Variants in LDLRAD4 observed in about 807,000 individuals in gnomAD.
LDLRAD4 encodes low-density lipoprotein receptor class A domain-containing protein 4.
A neutral mutation model predicts 17.0 loss-of-function variants in LDLRAD4; 5 were observed. That is an observed-to-expected ratio of 0.29 (90% CI 0.15 to 0.62). LDLRAD4 has a LOEUF of 0.62. LDLRAD4 is among the 20% of genes least tolerant of loss of function. The probability of loss-of-function intolerance (pLI) is 0.84; values close to 1 mark genes in which losing one functional copy is unlikely to be tolerated. For missense variants in LDLRAD4, 340 were observed against 424.7 expected (o/e 0.80, Z 1.75); for synonymous variants, 168 against 171.8 (o/e 0.98, Z 0.17).
intron 2 of LDLRAD4, among the ~76,000 whole-genome samples, chr18:13,430,834 G>A (rs574830895): frequency 2.0e-4 from 31 of 152,240 alleles, no homozygotes; most frequent in Non-Finnish European, 2.9e-4. Context: ...CCTCGCTGAC[G>A]TCACCTTCTC....
intron 2 of LDLRAD4, among the ~76,000 whole-genome samples, chr18:13,411,639 A>G (rs1339374342): frequency 1.3e-5 from 2 of 152,182 alleles, no homozygotes; most frequent in African/African-American, 4.8e-5. Context: ...GCTACCAGGT[A>G]AGACGTGACT....
rs1427807242 is a variant in LDLRAD4 at position 13,622,057 on chromosome 18, G to A, written c.336+786G>A. On this transcript the variant is annotated intron_variant, in intron 4 of 5. Transcript: ENST00000359446. The surrounding 1 kb of genome is among the most constrained non-coding windows in gnomAD (Gnocchi z 5.3). ...GGCTTCCGTGATGGGCAGCGAGGCC[G>A]AGTCTCCACAGTGTGGAGCCCTGCG... 7.2e-5 allele frequency among the ~76,000 whole-genome samples: 11 copies of A among 152,096 alleles called. No individual in the cohort carries two copies. Among genetic ancestry groups the A allele is most frequent in the Admixed American group, 2.6e-4 (4 of 15,276 alleles).
chr18:13,294,792 T>C (rs1449032088), intron 1 of LDLRAD4, among the ~76,000 whole-genome samples: 1 of 152,024 alleles, frequency 6.6e-6, no homozygotes, highest in Non-Finnish European at 1.5e-5. Flanking sequence ...ACCTACTTGT[T>C]TGAGTGTCAC....
intron 1 of LDLRAD4, among the ~76,000 whole-genome samples, chr18:13,295,306 G>T (rs754471699): frequency 6.6e-6 from 1 of 152,200 alleles, no homozygotes; most frequent in Non-Finnish European, 1.5e-5. Flanking sequence ...CCTTGTGGCT[G>T]GGATGGCCTC....
At chr18:13,619,678 C>T (rs1331105564) in intron 3 of LDLRAD4, among the ~76,000 whole-genome samples, 2 of 152,170 alleles carry the variant, frequency 1.3e-5, no homozygotes, top group African/African-American at 4.8e-5. Context: ...CAACAGCACC[C>T]CCTTGGCTGG....
chr18:13,389,939 C>T (rs991416827), intron 2 of LDLRAD4, among the ~76,000 whole-genome samples: 3 of 152,188 alleles, frequency 2.0e-5, no homozygotes, highest in Non-Finnish European at 2.9e-5. Flanking sequence ...ACCTTCCTCC[C>T]CACTTGCTCA....
chr18:13,590,491 C>T (rs753882028), intron 3 of LDLRAD4, among the ~76,000 whole-genome samples: 1 of 152,214 alleles, frequency 6.6e-6, no homozygotes, highest in Non-Finnish European at 1.5e-5. Flanking sequence ...TGTGACTGTT[C>T]AGAATGTACA....
chr18:13,467,158 A>G (rs908466725), intron 3 of LDLRAD4, among the ~76,000 whole-genome samples: 11 of 152,242 alleles, frequency 7.2e-5, no homozygotes, highest in African/African-American at 2.7e-4. Flanking sequence ...GCAACTAGAC[A>G]AGAAAAAGAA....
chr18:13,438,508 C>G, intron 3 of LDLRAD4, 124 bp downstream of exon 4: 1 of 759,612 alleles, frequency 1.3e-6, no homozygotes, highest in Non-Finnish European at 2.2e-6. Context: ...TGCATTTTCA[C>G]AAAGGAAATG....
At chr18:13,369,283 A>G (rs912733762) in intron 1 of LDLRAD4, among the ~76,000 whole-genome samples, 5 of 152,220 alleles carry the variant, frequency 3.3e-5, no homozygotes, top group African/African-American at 1.2e-4. Context: ...TGTAGGAATG[A>G]AACGCATTTT....
At chr18:13,650,284 T>C (rs887479709) in exon 6 of LDLRAD4, 1 of 407,262 alleles carries the variant, frequency 2.5e-6, no homozygotes, top group Non-Finnish European at 4.3e-6. Context: ...TCGAACTGGA[T>C]GCATTAGGAA....
intron 1 of LDLRAD4, among the ~76,000 whole-genome samples, chr18:13,279,028 G>A (rs1484977341): frequency 1.3e-5 from 2 of 152,196 alleles, no homozygotes; most frequent in South Asian, 2.1e-4. Flanking sequence ...TTACAGTTGG[G>A]TGCAAAGCAG....
chr18:13,583,887 G>A (rs1047461443), intron 3 of LDLRAD4, among the ~76,000 whole-genome samples: 2 of 152,158 alleles, frequency 1.3e-5, no homozygotes, highest in South Asian at 2.1e-4. Flanking sequence ...TGGAACCTGC[G>A]AGCACTTTCT....
At chr18:13,617,968 C>T (rs950381512) in intron 3 of LDLRAD4, among the ~76,000 whole-genome samples, 14 of 152,194 alleles carry the variant, frequency 9.2e-5, no homozygotes, top group Non-Finnish European at 1.8e-4. Flanking sequence ...CCAGAAATGT[C>T]ACTTTTAGGA....
chr18:13,222,055 C>A (rs1401194803), intron 1 of LDLRAD4, among the ~76,000 whole-genome samples: 1 of 152,244 alleles, frequency 6.6e-6, no homozygotes, highest in Non-Finnish European at 1.5e-5. Context: ...CACAGAATGT[C>A]TGGCTCAATC....
intron 2 of LDLRAD4, among the ~76,000 whole-genome samples, chr18:13,415,224 C>T (rs2088766164): frequency 6.6e-6 from 1 of 152,056 alleles, no homozygotes; most frequent in African/African-American, 2.4e-5. Context: ...GTTTCCTCCT[C>T]AGTTAAGGGA....
chr18:13,561,015 G>C (rs1375655573), intron 3 of LDLRAD4, among the ~76,000 whole-genome samples: 1 of 151,784 alleles, frequency 6.6e-6, no homozygotes, highest in East Asian at 2.0e-4. Context: ...CCTTAGGAAG[G>C]TCTCCCAAGA....
chr18:13,239,042 C>T (rs1281963472), intron 1 of LDLRAD4, among the ~76,000 whole-genome samples: 2 of 151,964 alleles, frequency 1.3e-5, no homozygotes, highest in Non-Finnish European at 2.9e-5. Flanking sequence ...GAAAAATTAG[C>T]TGGGCGTGGT....
Position 13,609,044 on chromosome 18 carries a change from C to T in LDLRAD4, c.182-12073C>T, listed in dbSNP as rs149822337. ...GTGACTGCACAAAACTCATATTAGA[C>T]GTGATAGCCATCAGAGTACTTACGT... is the stretch of plus-strand genomic sequence containing the variant. On this transcript the variant is annotated intron_variant, in intron 3 of 5. Coordinates refer to ENST00000359446, the Ensembl canonical transcript of LDLRAD4. Among the ~76,000 whole-genome samples, 564 of 152,192 alleles carry T rather than the reference C, an allele frequency of 3.7e-3. 3 individuals are homozygous for T. Among genetic ancestry groups the T allele is most frequent in the African/African-American group, 0.013 (519 of 41,514 alleles).
Sources: allele counts gnomAD v4.1 joint callset (sites outside exome capture counted in the v4.1 genomes callset), GRCh38; gene constraint gnomAD v4.1.1; non-coding constraint Gnocchi (gnomAD v3.1); transcripts MANE v1.5; gene names NCBI Gene and HGNC (gene_info 2026-07-23, HGNC 2026-07-21).